The following AGO2 variants were observed in gnomAD, a reference collection of about 807,000 sequenced individuals.
AGO2 encodes protein argonaute-2.
A neutral mutation model predicts 102.3 loss-of-function variants in AGO2; 5 were observed. That is an observed-to-expected ratio of 0.05 (90% CI 0.03 to 0.10). The LOEUF (loss-of-function observed/expected upper bound fraction) is 0.10. Ranked by LOEUF, AGO2 falls within the 10% of genes least tolerant of loss-of-function variation. The pLI, the probability that AGO2 is intolerant of heterozygous loss-of-function variation, is 1.00. For missense variants in AGO2, 541 were observed against 1,183.7 expected, an observed-to-expected ratio of 0.46 and a Z score of 7.97; for synonymous variants, 449 against 473.1, an observed-to-expected ratio of 0.95 and a Z score of 0.66.
chr8:140,532,739 G>A, intron 17 of AGO2, 124 bp from the exon 18 acceptor site: 1 of 1,115,444 alleles, frequency 9.0e-7, no homozygotes, highest in Non-Finnish European at 1.3e-6. Flanking sequence ...GCTCACGCCT[G>A]TAATCCCAGC....
upstream of AGO2, among the ~76,000 whole-genome samples, chr8:140,636,014 T>C (rs1469504202): frequency 6.7e-6 from 1 of 149,592 alleles, no homozygotes; most frequent in Non-Finnish European, 1.5e-5. Context: ...GCCCCCCGGC[T>C]GTGCCGCCGG....
rs146899246 is a variant in AGO2, at chr8:140,585,078, G to A, written c.215+41C>T. The A allele has an allele frequency of 3.3e-4, 524 of 1,574,438 alleles. 3 individuals are homozygous for A. In the African/African-American group the frequency reaches 5.5e-3, roughly 17 times the overall value. On this transcript the variant is annotated intron_variant, in intron 2 of 18. Coordinates refer to ENST00000220592, the MANE Select transcript of AGO2 (RefSeq NM_012154.5). ...TAGTTTAAATGCCGTGTCTGTCCGC[G>A]CAGACCACTTACACAGGTCATGAAG...
At chr8:140,541,503 TG>T in intron 14 of AGO2, 145 bp from the exon 15 acceptor site, 8 of 741,878 alleles carry the variant, frequency 1.1e-5, no homozygotes, top group Non-Finnish European at 1.5e-5. Flanking sequence ...GCTGGCTGGG[TG>T]TGAACTCAGC....
rs2072751553 is a variant in AGO2 at position 140,539,283 on chromosome 8, A to T, written c.2169+37T>A. On this transcript the variant is annotated intron_variant, in intron 16 of 18. Coordinates refer to ENST00000220592, the MANE Select transcript of AGO2 (RefSeq NM_012154.5). The surrounding 1 kb of genome is among the most constrained non-coding windows in gnomAD (Gnocchi z 4.7). ...GCTCGGGGTGTGGGGCTGAGGGGAG[A>T]ACCGTGCCCCCTGCCTGGAGTCATG... 2.5e-6 allele frequency: 4 copies of T among 1,571,068 alleles called. No homozygotes were observed. Among genetic ancestry groups the T allele is most frequent in the Middle Eastern group, 1.7e-4 (1 of 5,818 alleles).
chr8:140,604,768 A>C (rs2073974184), intron 1 of AGO2, among the ~76,000 whole-genome samples: 1 of 151,630 alleles, frequency 6.6e-6, no homozygotes, highest in African/African-American at 2.4e-5. Context: ...TGGAGCTTGC[A>C]GTGAGCCGAG....
intron 13 of AGO2, among the ~76,000 whole-genome samples, chr8:140,547,199 G>A (rs1307844653): frequency 6.6e-6 from 1 of 152,224 alleles, no homozygotes; most frequent in Non-Finnish European, 1.5e-5. Context: ...GGCATGCCCT[G>A]CTCTGCCTTG....
At chr8:140,575,610 C>A (rs1024049896) in intron 2 of AGO2, among the ~76,000 whole-genome samples, 1 of 152,162 alleles carries the variant, frequency 6.6e-6, no homozygotes, top group African/African-American at 2.4e-5. Flanking sequence ...ATGGCACACA[C>A]CCTGACTCAT....
Position 140,633,089 on chromosome 8 carries a change from T to G in AGO2, c.22+2396A>C, listed in dbSNP as rs903784176. On this transcript the variant is annotated intron_variant, in intron 1 of 18. Transcript: ENST00000220592. ...CACCACGCCCAGCTAATTTTTGTAT[T>G]TTTAGTAGAGACGGGGTTTCATGAT... Among the ~76,000 whole-genome samples, 17 of 152,212 alleles carry G rather than the reference T, an allele frequency of 1.1e-4. 2 individuals are homozygous for G. Among genetic ancestry groups the G allele is most frequent in the Admixed American group, 9.8e-4 (15 of 15,286 alleles).
At chr8:140,603,684 C>T (rs2073959793) in intron 1 of AGO2, among the ~76,000 whole-genome samples, 1 of 152,250 alleles carries the variant, frequency 6.6e-6, no homozygotes, top group Non-Finnish European at 1.5e-5. Context: ...CTCATCCGCG[C>T]TGCAGCTGTG....
Position 140,538,100 on chromosome 8 carries a change from G to A in AGO2, c.2169+1220C>T, listed in dbSNP as rs993331195. Among the ~76,000 whole-genome samples the A allele has an allele frequency of 7.2e-5, 11 of 152,192 alleles. No individual in the cohort carries two copies. The East Asian group carries it at 9.6e-4, about 13-fold the overall frequency. On this transcript the variant is annotated intron_variant, in intron 16 of 18. Transcript: ENST00000220592. ...CTCCCAAAGTGCCAGGATTACAGGC[G>A]TGAGCCACCGTGCCTGGCCTGGTGA...
At chr8:140,609,319 G>A (rs2074044932) in intron 1 of AGO2, among the ~76,000 whole-genome samples, 7 of 152,358 alleles carry the variant, frequency 4.6e-5, no homozygotes, top group Admixed American at 4.6e-4. Context: ...CATCACACCC[G>A]GCAGAGCGGT....
rs147783622 is a variant in AGO2, at chr8:140,522,726, G to GGAGAGAGAGAGA, written c.*9306_*9317dup. On this transcript the variant is annotated 3_prime_UTR_variant, in exon 19 of 19. Coordinates refer to ENST00000220592, the MANE Select transcript of AGO2 (RefSeq NM_012154.5). ...AGAGGGAGGGGGAGGGGGGAGAGGGGGAGAGAGAGAGAGAGAGAGAGAGGT... is the reference window on the plus strand; with the variant it reads ...AGAGGGAGGGGGAGGGGGGAGAGGGGGAGAGAGAGAGAGAGAGAGAGAGAGAGAGAGAGAGGT... The GGAGAGAGAGAGA allele has an allele frequency of 1.4e-3, 168 of 121,048 alleles. 1 individual carries two copies. Among genetic ancestry groups the GGAGAGAGAGAGA allele is most frequent in the African/African-American group, 5.1e-3 (163 of 31,666 alleles). The allele number at this position is 121,048 out of a possible 1,614,324, so 7.5% of individuals were successfully genotyped here.
At chr8:140,563,083 T>C (rs1381648206) in intron 3 of AGO2, among the ~76,000 whole-genome samples, 1 of 152,300 alleles carries the variant, frequency 6.6e-6, no homozygotes, top group East Asian at 1.9e-4. Flanking sequence ...TCCAAATATG[T>C]GGACACACAC....
intron 3 of AGO2, 116 bp from the exon 4 acceptor site, chr8:140,562,750 T>C (rs1464597763): frequency 8.2e-7 from 1 of 1,225,006 alleles, no homozygotes; most frequent in Non-Finnish European, 1.1e-6. Flanking sequence ...CGCCCAGGCC[T>C]CTAGCCAACC....
intron 7 of AGO2, 138 bp downstream of exon 7, chr8:140,558,347 G>A: frequency 2.3e-6 from 2 of 882,166 alleles, no homozygotes; most frequent in Admixed American, 4.2e-5. Context: ...AGCCATGTAA[G>A]GGACAATTTT....
At chr8:140,618,275 G>T (rs1056669352) in intron 1 of AGO2, among the ~76,000 whole-genome samples, 1 of 151,580 alleles carries the variant, frequency 6.6e-6, no homozygotes, top group African/African-American at 2.4e-5. Flanking sequence ...AGCCGAGATC[G>T]TGCCACTGCA....
At chr8:140,630,397 G>C (rs1221483629) in intron 1 of AGO2, among the ~76,000 whole-genome samples, 1 of 152,218 alleles carries the variant, frequency 6.6e-6, no homozygotes, top group Non-Finnish European at 1.5e-5. Flanking sequence ...GACAGAAACT[G>C]GGAGGGCCTG....
At chr8:140,639,480 GA>G (rs36037273), upstream of AGO2, among the ~76,000 whole-genome samples, 3 of 139,858 alleles carry the variant, frequency 2.1e-5, no homozygotes, top group Non-Finnish European at 1.5e-5. Flanking sequence ...AACTCCATCT[GA>G]AAAAAAAAAA....
chr8:140,581,518 C>CT lies in AGO2; in HGVS notation c.215+3600dup, dbSNP rs1166350055. 2.6e-5 allele frequency among the ~76,000 whole-genome samples: 4 copies of CT among 151,126 alleles called. No homozygotes were observed. The East Asian group carries it at 7.7e-4, about 29-fold the overall frequency. On this transcript the variant is annotated intron_variant, in intron 2 of 18. Transcript: ENST00000220592. ...TGGGCAACAGAGCAAGATCCTGTCT[C>CT]TAAAAAAAAAAAGGAAATGTGTATA...
Sources: allele counts gnomAD v4.1 joint callset (sites outside exome capture counted in the v4.1 genomes callset), GRCh38; gene constraint gnomAD v4.1.1; non-coding constraint Gnocchi (gnomAD v3.1); transcripts MANE v1.5; gene names NCBI Gene and HGNC (gene_info 2026-07-23, HGNC 2026-07-21).